NLRP13: variants seen among roughly 807,000 people sequenced by gnomAD.
NLRP13 encodes NACHT, LRR and PYD domains-containing protein 13.
In NLRP13, 82 loss-of-function variants were observed where a neutral mutation model predicts 94.4. That is an observed-to-expected ratio of 0.87 (90% CI 0.73 to 1.04). The LOEUF (loss-of-function observed/expected upper bound fraction) is 1.04, where lower values mean the gene tolerates loss of function less well. NLRP13 is among the 50% of genes least tolerant of loss of function. The pLI, the probability that NLRP13 is intolerant of heterozygous loss-of-function variation, is 0.00. For synonymous variants in NLRP13, 553 were observed against 464.7 expected (o/e 1.19, Z -2.45); for missense variants, 1,426 against 1,230.8 (o/e 1.16, Z -2.37).
At position 55,923,977 on chromosome 19, in the gene NLRP13, T is replaced by A; in HGVS notation, c.460A>T (p.Asn154Tyr). Residue 154 changes from asparagine to tyrosine, a missense_variant and splice_region_variant, in exon 4 of 11, where the codon AAT (asparagine) becomes TAT (tyrosine). Coordinates refer to ENST00000342929, the MANE Select transcript of NLRP13 (RefSeq NM_176810.2). ...ELDELEEETG[N>Y]VQAQGCQDPN... is the part of the protein sequence containing the mutation. The stretch of plus-strand genomic sequence containing the variant: ...TCTTGGCATCCCTGGGCCTGTACAT[T>A]CCCTGAAATAAACAGTGATGATGAG... The A allele has an allele frequency of 6.2e-7, 1 of 1,613,146 alleles. No individual in the cohort carries two copies. Among genetic ancestry groups the A allele is most frequent in the Non-Finnish European group, 8.5e-7 (1 of 1,179,278 alleles).
chr19:55,914,396 A>G lies in NLRP13; in HGVS notation c.524-1103T>C, dbSNP rs1600271217. ...CCGTAATTTATATTTTTAGAACTCC[A>G]GGTTTTATAAAGAATAGATTATGAT... On this transcript the variant is annotated intron_variant, in intron 4 of 10. Coordinates refer to ENST00000342929, the MANE Select transcript of NLRP13 (RefSeq NM_176810.2). Among the ~76,000 whole-genome samples, 3 of 152,210 alleles carry G rather than the reference A, an allele frequency of 2.0e-5. No homozygotes were observed. The East Asian group carries it at 5.8e-4, about 29-fold the overall frequency.
Position 55,912,572 on chromosome 19 carries a change from GTTT to G in NLRP13, c.1242_1244del (p.Lys414del). The G allele has an allele frequency of 6.2e-7, 1 of 1,614,150 alleles. No individual in the cohort carries two copies. ...CACTGCAGGAATGAAAGAGAGTTTCGTTTTTTCTTAGCTGCTGCAGGATTTTCT... is the reference window on the plus strand; with the variant it reads ...CACTGCAGGAATGAAAGAGAGTTTCGTTTCTTAGCTGCTGCAGGATTTTCT... On this transcript the variant is annotated inframe_deletion, in exon 5 of 11. Coordinates refer to ENST00000342929, the MANE Select transcript of NLRP13 (RefSeq NM_176810.2).
chr19:55,911,977 C>T lies in NLRP13; in HGVS notation c.1840G>A (p.Glu614Lys). Residue 614 changes from glutamate to lysine, a missense_variant, in exon 5 of 11, where the codon GAG becomes AAG. Glu to Lys is a moderately conservative substitution (Grantham distance 56, BLOSUM62 1). Transcript: ENST00000342929. ...LHCKISPRVM[E>K]ELLKWGEELG... Reference sequence around the variant, plus strand: ...TCTTCTCCCCACTTTAATAATTCCTCCATTACCCTGGGAGATATTTTACAA... The same window carrying T: ...TCTTCTCCCCACTTTAATAATTCCTTCATTACCCTGGGAGATATTTTACAA... 6.2e-7 allele frequency: 1 copy of T among 1,614,222 alleles called. No individual in the cohort carries two copies.
intron 4 of NLRP13, among the ~76,000 whole-genome samples, chr19:55,916,846 C>A (rs895341593): frequency 3.3e-5 from 5 of 151,710 alleles, no homozygotes; most frequent in African/African-American, 1.2e-4. Flanking sequence ...TCCAGGCATC[C>A]AAATATAAGA....
chr19:55,902,840 A>G (rs1258969065), intron 8 of NLRP13, among the ~76,000 whole-genome samples: 2 of 150,526 alleles, frequency 1.3e-5, no homozygotes, highest in African/African-American at 4.9e-5. Context: ...TATATTACAT[A>G]CATATATTGC....
chr19:55,896,033 A>AG lies in NLRP13; in HGVS notation c.3043dup (p.Leu1015ProfsTer5). The AG allele has an allele frequency of 6.2e-7, 1 of 1,614,170 alleles. No homozygotes were observed. Among genetic ancestry groups the AG allele is most frequent in the Non-Finnish European group, 8.5e-7 (1 of 1,180,008 alleles). ...ATCAGTATCCAATTCATTGCCTAGA[A>AG]GGTTCAGATTGACCAGGCTCTTACT... is the stretch of plus-strand genomic sequence containing the variant. On this transcript the variant is annotated frameshift_variant, in exon 11 of 11. Transcript: ENST00000342929. LOFTEE classifies it low-confidence loss of function (END_TRUNC).
rs764981517 is a variant in NLRP13, at chr19:55,895,990, A to AC, written c.3086dup (p.Cys1029TrpfsTer2). 1.2e-6 allele frequency: 2 copies of AC among 1,614,184 alleles called. No homozygotes were observed. Among genetic ancestry groups the AC allele is most frequent in the South Asian group, 2.2e-5 (2 of 91,078 alleles). On this transcript the variant is annotated frameshift_variant, in exon 11 of 11. Transcript: ENST00000342929. LOFTEE classifies it low-confidence loss of function (END_TRUNC). ...TGCATGTCGACTTTTTCAAAGCCTT[A>AC]CATAGCATCTTGACACCATCAGTAT...
Position 55,927,033 on chromosome 19 carries a change from G to GA in NLRP13, c.320-1999dup, listed in dbSNP as rs922335267. Among the ~76,000 whole-genome samples the GA allele has an allele frequency of 4.4e-3, 636 of 146,050 alleles. 6 individuals carry two copies. The highest frequency in any genetic ancestry group is 5.5e-3 in the African/African-American group (219 of 39,884). On this transcript the variant is annotated intron_variant, in intron 1 of 10. Transcript: ENST00000342929. ...CCTAAACTTTACACCTTATACAGGAGAAAAAAAAAACCAACCCAAAAGAGA... is the reference window on the plus strand; with the variant it reads ...CCTAAACTTTACACCTTATACAGGAGAAAAAAAAAAACCAACCCAAAAGAGA...
intron 4 of NLRP13, among the ~76,000 whole-genome samples, chr19:55,918,176 C>T (rs1986718133): frequency 6.9e-6 from 1 of 143,982 alleles, no homozygotes. Context: ...AGGTCAATGA[C>T]AAAATTAAGA....
At chr19:55,926,786 A>G (rs1356256339) in intron 1 of NLRP13, among the ~76,000 whole-genome samples, 1 of 152,194 alleles carries the variant, frequency 6.6e-6, no homozygotes, top group Non-Finnish European at 1.5e-5. Flanking sequence ...AATGATTCCT[A>G]CATAATTTAA....
At chr19:55,916,443 G>T (rs774056616) in intron 4 of NLRP13, among the ~76,000 whole-genome samples, 8 of 152,114 alleles carry the variant, frequency 5.3e-5, no homozygotes, top group Admixed American at 2.6e-4. Context: ...TGAGATCCAA[G>T]AGAAATCATA....
At chr19:55,892,567 G>T (rs951172887), downstream of NLRP13, among the ~76,000 whole-genome samples, 1 of 151,988 alleles carries the variant, frequency 6.6e-6, no homozygotes, top group Non-Finnish European at 1.5e-5. Flanking sequence ...GATTATAGGC[G>T]CACACCACCA....
Position 55,896,001 on chromosome 19 carries a change from T to C in NLRP13, c.3076A>G (p.Lys1026Glu). The part of the protein sequence containing the change: ...LGNELDTDGV[K>E]MLCKALKKST... ...TTTTTCAAAGCCTTACATAGCATCT[T>C]GACACCATCAGTATCCAATTCATTG... Residue 1026 changes from lysine to glutamate, a missense_variant, in exon 11 of 11, where the codon AAG (lysine) becomes GAG (glutamate). By Grantham distance (56) the Lys-to-Glu change is moderately conservative. Coordinates refer to ENST00000342929, the MANE Select transcript of NLRP13 (RefSeq NM_176810.2). 2 of 1,614,214 alleles carry C rather than the reference T, an allele frequency of 1.2e-6. No individual in the cohort carries two copies. Among genetic ancestry groups the C allele is most frequent in the South Asian group, 1.1e-5 (1 of 91,080 alleles).
chr19:55,920,811 G>A (rs1050866655), intron 4 of NLRP13, among the ~76,000 whole-genome samples: 2 of 152,030 alleles, frequency 1.3e-5, no homozygotes, highest in Non-Finnish European at 2.9e-5. Context: ...TGTGTTTATT[G>A]CAGCAGTATT....
chr19:55,891,870 C>G (rs1361016494), downstream of NLRP13: 1 of 389,612 alleles, frequency 2.6e-6, no homozygotes, highest in Admixed American at 4.5e-5. Context: ...ACAACCGTGA[C>G]AAAGCCTCCT....
chr19:55,898,661 C>G, intron 10 of NLRP13, 109 bp downstream of exon 10: 1 of 1,192,796 alleles, frequency 8.4e-7, no homozygotes, highest in Non-Finnish European at 1.2e-6. Flanking sequence ...TCTTAGATGG[C>G]TTGTCCTTAC....
chr19:55,917,473 GAT>G (rs1473079844), intron 4 of NLRP13, among the ~76,000 whole-genome samples: 1 of 151,856 alleles, frequency 6.6e-6, no homozygotes, highest in Non-Finnish European at 1.5e-5. Context: ...CTTCTTAAAA[GAT>G]ATAAATTGGA....
rs141920001 is a variant in NLRP13, at chr19:55,912,650, G to A, written c.1167C>T (p.Asp389=). The A allele has an allele frequency of 1.6e-5, 26 of 1,614,118 alleles. No homozygotes were observed. The highest frequency in any genetic ancestry group is 6.7e-5 in the East Asian group (3 of 44,870). Residue 389 remains aspartate, a synonymous_variant, in exon 5 of 11, where the codon GAC becomes GAT. Transcript: ENST00000342929. ...GTCTCATGAAATATACCCGTAGGTC[G>A]TCCCCTGTGAACCCTGTAATTTGTA... is the stretch of plus-strand genomic sequence containing the variant. ...CFVQITGFTG[D]DLRVYFMRHF...
rs1168159121 is a variant in NLRP13, at chr19:55,911,798, A to C, written c.2019T>G (p.Ala673=). 1.2e-6 allele frequency: 2 copies of C among 1,614,048 alleles called. No homozygotes were observed. Among genetic ancestry groups the C allele is most frequent in the African/African-American group, 1.3e-5 (1 of 74,946 alleles). The part of the protein sequence containing the change: ...LNILEDEELQ[A]SSFCLKHCKR... ...TACAGTGCTTTAGGCAAAATGAAGA[A>C]GCTTGGAGTTCTTCGTCCTCCAAAA... is the stretch of plus-strand genomic sequence containing the variant. Residue 673 remains alanine (A), a synonymous_variant, in exon 5 of 11, where the codon GCT becomes GCG. Coordinates refer to ENST00000342929, the MANE Select transcript of NLRP13 (RefSeq NM_176810.2).
Sources: allele counts gnomAD v4.1 joint callset (sites outside exome capture counted in the v4.1 genomes callset), GRCh38; gene constraint gnomAD v4.1.1; transcripts MANE v1.5; gene names NCBI Gene and HGNC (gene_info 2026-07-23, HGNC 2026-07-21).